Variants in NALF1 observed in about 807,000 individuals in gnomAD.
NALF1 encodes the protein NALCN channel auxiliary factor 1, also known as family with sequence similarity 155 member A.
A neutral mutation model predicts 48.4 loss-of-function variants in NALF1; 3 were observed. That is an observed-to-expected ratio of 0.06 (90% CI 0.03 to 0.16). NALF1 has a LOEUF of 0.16. NALF1 is among the 10% of genes least tolerant of loss of function. NALF1 has a pLI of 1.00. For missense variants in NALF1, 526 were observed against 571.5 expected (o/e 0.92, Z 0.81); for synonymous variants, 262 against 245.7 (o/e 1.07, Z -0.62).
chr13:107,318,673 C>T (rs910101538), intron 1 of NALF1, among the ~76,000 whole-genome samples: 2 of 152,092 alleles, frequency 1.3e-5, no homozygotes, highest in African/African-American at 4.8e-5. Context: ...AACATTCACA[C>T]CCTTTGCCCC....
At chr13:107,447,915 T>G (rs965625043) in intron 1 of NALF1, among the ~76,000 whole-genome samples, 1 of 152,256 alleles carries the variant, frequency 6.6e-6, no homozygotes, top group South Asian at 2.1e-4. Context: ...TTGGAGGTAG[T>G]TGTAGAGTCC....
rs1249656442 is a variant in NALF1, at chr13:107,752,628, T to C, written c.915+113054A>G. On this transcript the variant is annotated intron_variant, in intron 1 of 2. Transcript: ENST00000375915. ...GCACAGAAAGACAAATACTACATTA[T>C]TTCACTTATATATGAAATCTTAAAA... is the stretch of plus-strand genomic sequence containing the variant. Among the ~76,000 whole-genome samples, 6 of 152,194 alleles carry C rather than the reference T, an allele frequency of 3.9e-5. No individual in the cohort carries two copies. The East Asian group carries it at 1.2e-3, about 29-fold the overall frequency.
intron 1 of NALF1, among the ~76,000 whole-genome samples, chr13:107,700,864 C>A (rs1881801427): frequency 6.6e-6 from 1 of 151,984 alleles, no homozygotes; most frequent in African/African-American, 2.4e-5. Flanking sequence ...GGAAACATAA[C>A]AATGTCCAAC....
rs148265104 is a variant in NALF1, at chr13:107,240,365, T to C, written c.916-29610A>G. Among the ~76,000 whole-genome samples, 803 of 152,310 alleles carry C rather than the reference T, an allele frequency of 5.3e-3. 4 individuals are homozygous for C. The highest frequency in any genetic ancestry group is 0.01 in the Middle Eastern group (3 of 294). ...TATAAGCAACCCAGTTTCTGGTAGA[T>C]TTTTATAGTAGTCCAAACACACTAT... On this transcript the variant is annotated intron_variant, in intron 1 of 2. Transcript: ENST00000375915.
chr13:107,535,334 T>G (rs1346945164), intron 1 of NALF1, among the ~76,000 whole-genome samples: 1 of 152,108 alleles, frequency 6.6e-6, no homozygotes, highest in Non-Finnish European at 1.5e-5. Flanking sequence ...AAATAGCTCT[T>G]ATTATTTTGA....
chr13:107,207,205 T>G (rs894561799), intron 2 of NALF1, among the ~76,000 whole-genome samples: 1 of 152,210 alleles, frequency 6.6e-6, no homozygotes, highest in Non-Finnish European at 1.5e-5. Context: ...CCCTTCCCAT[T>G]TCTTTTTTCC....
chr13:107,438,784 T>C (rs1323390788), intron 1 of NALF1, among the ~76,000 whole-genome samples: 1 of 117,260 alleles, frequency 8.5e-6, no homozygotes, highest in African/African-American at 3.3e-5. Flanking sequence ...GCTGAGATCA[T>C]ACCACTGCAC....
At position 107,734,562 on chromosome 13, in the gene NALF1, T is replaced by C. The variant is rs7321270; in HGVS notation, c.915+131120A>G. ...TTATTATTTTTAAAGCCGTGGTACA[T>C]AGTAAAATCTGTGGCATAATGGAAA... is the stretch of plus-strand genomic sequence containing the variant. On this transcript the variant is annotated intron_variant, in intron 1 of 2. Coordinates refer to ENST00000375915, the MANE Select transcript of NALF1 (RefSeq NM_001080396.3). 9.8e-3 allele frequency among the ~76,000 whole-genome samples: 1,490 copies of C among 152,222 alleles called. 28 individuals carry two copies. The highest frequency in any genetic ancestry group is 0.034 in the African/African-American group (1,426 of 41,530).
Position 107,739,058 on chromosome 13 carries a change from G to A in NALF1, c.915+126624C>T, listed in dbSNP as rs373868684. On this transcript the variant is annotated intron_variant, in intron 1 of 2. Transcript: ENST00000375915. Reference sequence around the variant, plus strand: ...CATCATTCTCAGCAAACTAATACAGGGACAGAAAACCAAACACCGCATGTT... The same window carrying A: ...CATCATTCTCAGCAAACTAATACAGAGACAGAAAACCAAACACCGCATGTT... Among the ~76,000 whole-genome samples, 45 of 152,086 alleles carry A rather than the reference G, an allele frequency of 3.0e-4. No individual in the cohort carries two copies. The East Asian group carries it at 7.0e-3, about 23-fold the overall frequency.
intron 2 of NALF1, among the ~76,000 whole-genome samples, chr13:107,182,379 C>T (rs971055020): frequency 2.0e-5 from 3 of 151,814 alleles, no homozygotes; most frequent in African/African-American, 4.8e-5. Flanking sequence ...CCCAAGTGAT[C>T]CTCCTGCCTC....
intron 1 of NALF1, among the ~76,000 whole-genome samples, chr13:107,715,615 G>A (rs566848397): frequency 1.3e-5 from 2 of 152,164 alleles, no homozygotes; most frequent in African/African-American, 4.8e-5. Context: ...TGAGCCGCCT[G>A]TGGTGTGAGC....
At position 107,581,738 on chromosome 13, in the gene NALF1, C is replaced by G. The variant is rs192432442; in HGVS notation, c.915+283944G>C. Among the ~76,000 whole-genome samples, 264 of 152,284 alleles carry G rather than the reference C, an allele frequency of 1.7e-3. 1 individual carries two copies. Among genetic ancestry groups the G allele is most frequent in the African/African-American group, 6.2e-3 (259 of 41,566 alleles). On this transcript the variant is annotated intron_variant, in intron 1 of 2. Transcript: ENST00000375915. ...CATAAGCAAATGGCATCTATTACAA[C>G]TAGCAAATTGCATCTATTTTTCTTC... is the stretch of plus-strand genomic sequence containing the variant.
intron 1 of NALF1, among the ~76,000 whole-genome samples, chr13:107,275,239 T>G (rs1051747200): frequency 2.0e-5 from 3 of 152,188 alleles, no homozygotes; most frequent in African/African-American, 7.2e-5. Flanking sequence ...ATTTCAAAAG[T>G]ATCTATATTT....
At chr13:107,234,508 G>C (rs979590752) in intron 1 of NALF1, among the ~76,000 whole-genome samples, 1 of 151,984 alleles carries the variant, frequency 6.6e-6, no homozygotes, top group Non-Finnish European at 1.5e-5. Flanking sequence ...AGCCAGCCCC[G>C]GCAGGGCTGC....
intron 1 of NALF1, among the ~76,000 whole-genome samples, chr13:107,860,119 C>T (rs1880531558): frequency 6.6e-6 from 1 of 152,008 alleles, no homozygotes; most frequent in South Asian, 2.1e-4. Context: ...CCATAGTTGC[C>T]TGACACAACC....
intron 1 of NALF1, among the ~76,000 whole-genome samples, chr13:107,565,335 C>T (rs1307555009): frequency 3.5e-5 from 5 of 144,568 alleles, no homozygotes; most frequent in African/African-American, 1.3e-4. Flanking sequence ...CAGTGAGCTG[C>T]CATCGTGCCA....
chr13:107,825,237 T>A (rs1390125101), intron 1 of NALF1, among the ~76,000 whole-genome samples: 4 of 152,220 alleles, frequency 2.6e-5, no homozygotes, highest in African/African-American at 4.8e-5. Context: ...TTCCCTCAGC[T>A]GCAAAGTGAG....
At chr13:107,630,869 C>CT (rs1257953221) in intron 1 of NALF1, among the ~76,000 whole-genome samples, 2 of 152,108 alleles carry the variant, frequency 1.3e-5, no homozygotes, top group Non-Finnish European at 2.9e-5. Context: ...CTGCGGACAG[C>CT]TACCTAGGTA....
chr13:107,540,206 T>C (rs1876961581), intron 1 of NALF1, among the ~76,000 whole-genome samples: 2 of 152,128 alleles, frequency 1.3e-5, no homozygotes, highest in Admixed American at 1.3e-4. Context: ...GCATTCTCTT[T>C]AAGTATAGTA....
Sources: allele counts gnomAD v4.1 joint callset (sites outside exome capture counted in the v4.1 genomes callset), GRCh38; gene constraint gnomAD v4.1.1; transcripts MANE v1.5; gene names NCBI Gene and HGNC (gene_info 2026-07-23, HGNC 2026-07-21).